The following SCNN1B variants were observed in gnomAD, a reference collection of about 807,000 sequenced individuals.
The protein encoded by SCNN1B is sodium channel epithelial 1 subunit beta.
A neutral mutation model predicts 65.3 loss-of-function variants in SCNN1B; 46 were observed. The ratio of observed to expected loss-of-function variants is 0.70; its 90% CI spans 0.56 to 0.90. The LOEUF (loss-of-function observed/expected upper bound fraction) is 0.90. SCNN1B is among the 40% of genes least tolerant of loss of function. The pLI is 0.00. For missense variants in SCNN1B, 751 were observed against 830.5 expected, an observed-to-expected ratio of 0.90 and a Z score of 1.18; for synonymous variants, 349 against 330.6, an observed-to-expected ratio of 1.06 and a Z score of -0.60.
intron 1 of SCNN1B, among the ~76,000 whole-genome samples, chr16:23,309,518 C>G (rs1451009870): frequency 6.6e-6 from 1 of 152,194 alleles, no homozygotes; most frequent in African/African-American, 2.4e-5. Flanking sequence ...TGTTTGCAAG[C>G]TGAGGAGCAA....
At chr16:23,356,674 C>A (rs760511414) in intron 4 of SCNN1B, among the ~76,000 whole-genome samples, 22 of 151,990 alleles carry the variant, frequency 1.4e-4, no homozygotes, top group Non-Finnish European at 2.9e-4. Flanking sequence ...AAAAGTGTTT[C>A]CTGTAAATAT....
At chr16:23,375,666 C>T in intron 7 of SCNN1B, 72 bp from the exon 8 acceptor site, 1 of 1,082,284 alleles carries the variant, frequency 9.2e-7, no homozygotes, top group South Asian at 1.2e-5. Context: ...CTCTGGACAC[C>T]CCTGGTGCTG....
intron 1 of SCNN1B, among the ~76,000 whole-genome samples, chr16:23,327,398 TG>T (rs1308204488): frequency 6.6e-6 from 1 of 151,946 alleles, no homozygotes; most frequent in African/African-American, 2.4e-5. Context: ...CCAGGCATGG[TG>T]GTGCACGCCT....
At chr16:23,360,096 G>A (rs1056265382) in intron 4 of SCNN1B, among the ~76,000 whole-genome samples, 5 of 151,982 alleles carry the variant, frequency 3.3e-5, no homozygotes, top group Non-Finnish European at 7.4e-5. Flanking sequence ...CCAGCTACTC[G>A]GGAGGCTGAG....
In SCNN1B at chr16:23,380,638, A is replaced by C; in HGVS notation, c.1760A>C (p.Asn587Thr). The C allele has an allele frequency of 6.2e-7, 1 of 1,613,448 alleles. No individual in the cohort carries two copies. The highest frequency in any genetic ancestry group is 8.5e-7 in the Non-Finnish European group (1 of 1,179,736). The change falls in exon 13 of 13, where the codon AAC becomes ACC. Residue 587 changes from asparagine (N) to threonine (T), a missense_variant. Physicochemically the swap from Asn to Thr is moderately conservative, Grantham distance 65. Transcript: ENST00000343070. The surrounding 1 kb of genome is among the most constrained non-coding windows in gnomAD (Gnocchi z 5.4). ...TVAELVEAHT[N>T]FGFQPDTAPR... ...GCCGAGCTGGTGGAGGCCCACACCA[A>C]CTTTGGCTTCCAGCCTGACACGGCC...
intron 5 of SCNN1B, among the ~76,000 whole-genome samples, chr16:23,369,834 C>T (rs565682526): frequency 6.6e-6 from 1 of 152,208 alleles, no homozygotes; most frequent in Non-Finnish European, 1.5e-5. Context: ...CAGACAAGTC[C>T]CTTCACTTCT....
chr16:23,343,136 A>G (rs1156701465), intron 1 of SCNN1B, among the ~76,000 whole-genome samples: 1 of 152,176 alleles, frequency 6.6e-6, no homozygotes, highest in Non-Finnish European at 1.5e-5. Flanking sequence ...AGAAGAAAGC[A>G]TAGAAGAAAA....
At chr16:23,365,585 A>AAGAG (rs141991774) in intron 4 of SCNN1B, among the ~76,000 whole-genome samples, 2 of 64,204 alleles carry the variant, frequency 3.1e-5, no homozygotes, top group African/African-American at 4.3e-5. Context: ...GAAAGAAAGA[A>AAGAG]AGAGAAAGAA....
chr16:23,303,533 C>T (rs964351638), intron 1 of SCNN1B, among the ~76,000 whole-genome samples: 1 of 152,118 alleles, frequency 6.6e-6, no homozygotes, highest in Non-Finnish European at 1.5e-5. Flanking sequence ...AAGGTAAACA[C>T]CTTCATAATT....
intron 1 of SCNN1B, among the ~76,000 whole-genome samples, chr16:23,329,668 C>T (rs943143694): frequency 1.1e-4 from 16 of 152,336 alleles, no homozygotes; most frequent in African/African-American, 3.8e-4. Context: ...CAAAGCTTGG[C>T]TCCAGCAACC....
At chr16:23,327,761 C>A (rs1961727074) in intron 1 of SCNN1B, among the ~76,000 whole-genome samples, 1 of 152,128 alleles carries the variant, frequency 6.6e-6, no homozygotes, top group Non-Finnish European at 1.5e-5. Context: ...AGCAGGTGAA[C>A]AAGAAAATGA....
At chr16:23,335,948 C>T (rs1961929708) in intron 1 of SCNN1B, among the ~76,000 whole-genome samples, 2 of 152,082 alleles carry the variant, frequency 1.3e-5, no homozygotes, top group African/African-American at 4.8e-5. Flanking sequence ...TCTGGGAGCA[C>T]CCCTAGATGT....
At chr16:23,288,895 C>T (rs1185959739) in intron 2 of SCNN1B, among the ~76,000 whole-genome samples, 1 of 152,182 alleles carries the variant, frequency 6.6e-6, no homozygotes, top group Non-Finnish European at 1.5e-5. Flanking sequence ...CTCGGGGCCT[C>T]AGTTCCTGTC....
At chr16:23,329,581 T>C (rs988906589) in intron 1 of SCNN1B, among the ~76,000 whole-genome samples, 1 of 152,194 alleles carries the variant, frequency 6.6e-6, no homozygotes, top group Non-Finnish European at 1.5e-5. Context: ...GCCCTCTCCA[T>C]GCAGTTGAGG....
intron 1 of SCNN1B, among the ~76,000 whole-genome samples, chr16:23,316,910 A>G (rs1342808325): frequency 6.6e-6 from 1 of 151,752 alleles, no homozygotes; most frequent in Non-Finnish European, 1.5e-5. Context: ...CATCACCTCC[A>G]TTATCACCAT....
chr16:23,359,145 C>A (rs913894109), intron 4 of SCNN1B: 1 of 152,094 alleles, frequency 6.6e-6, no homozygotes, highest in Non-Finnish European at 1.5e-5. Flanking sequence ...GTCTCAAACT[C>A]CTGGCCTCGA....
chr16:23,306,329 T>G (rs1460027013), intron 1 of SCNN1B, among the ~76,000 whole-genome samples: 1 of 151,960 alleles, frequency 6.6e-6, no homozygotes, highest in Non-Finnish European at 1.5e-5. Flanking sequence ...GCATAATAAA[T>G]AGCACTTGCC....
chr16:23,311,935 G>T (rs918974481), intron 1 of SCNN1B, among the ~76,000 whole-genome samples: 3 of 152,110 alleles, frequency 2.0e-5, no homozygotes, highest in African/African-American at 7.2e-5. Flanking sequence ...CCTGCCTCCA[G>T]CACCCAACAC....
chr16:23,308,553 ATC>A, intron 1 of SCNN1B, among the ~76,000 whole-genome samples: 1 of 152,308 alleles, frequency 6.6e-6, no homozygotes, highest in East Asian at 1.9e-4. Context: ...TCTCACACTC[ATC>A]CCAGACTTCC....
Sources: allele counts gnomAD v4.1 joint callset (sites outside exome capture counted in the v4.1 genomes callset), GRCh38; gene constraint gnomAD v4.1.1; non-coding constraint Gnocchi (gnomAD v3.1); transcripts MANE v1.5; gene names NCBI Gene and HGNC (gene_info 2026-07-23, HGNC 2026-07-21).